The following FHOD3 variants were observed in gnomAD, a reference collection of about 807,000 sequenced individuals.
FHOD3 encodes formin homology 2 domain containing 3, also known as FH1/FH2 domain-containing protein 3.
A neutral mutation model predicts 173.0 loss-of-function variants in FHOD3; 90 were observed. The observed-to-expected ratio is 0.52, with a 90% CI of 0.44 to 0.62. FHOD3 has a LOEUF of 0.62. Ranked by LOEUF, FHOD3 falls within the 20% of genes least tolerant of loss-of-function variation. FHOD3 has a pLI of 0.00. For missense variants in FHOD3, 1,945 were observed against 2,034.7 expected, an observed-to-expected ratio of 0.96 and a Z score of 0.85; for synonymous variants, 828 against 823.0, an observed-to-expected ratio of 1.01 and a Z score of -0.10.
intron 9 of FHOD3, among the ~76,000 whole-genome samples, chr18:36,617,426 C>T (rs1174693599): frequency 3.3e-5 from 5 of 152,122 alleles, no homozygotes; most frequent in Non-Finnish European, 7.4e-5. Context: ...AGTTTTGAGA[C>T]CTGTTCCATG....
intron 11 of FHOD3, among the ~76,000 whole-genome samples, chr18:36,651,256 G>A (rs1244194489): frequency 6.6e-6 from 1 of 152,038 alleles, no homozygotes; most frequent in Non-Finnish European, 1.5e-5. Flanking sequence ...ATTTGAGGCG[G>A]GAAAGAAGAC....
chr18:36,601,842 C>T (rs550503210), intron 7 of FHOD3, among the ~76,000 whole-genome samples: 75 of 152,292 alleles, frequency 4.9e-4, no homozygotes, highest in South Asian at 1.5e-3. Context: ...TTATGTGCCT[C>T]TTTTTGGTCT....
chr18:36,742,904 T>C (rs2150065185), intron 22 of FHOD3, 48 bp downstream of exon 22: 3 of 1,582,932 alleles, frequency 1.9e-6, no homozygotes, highest in Middle Eastern at 3.4e-4. Flanking sequence ...TGTCACAAAA[T>C]CCCTGCCCAG....
chr18:36,736,891 C>T (rs2041661799), intron 20 of FHOD3, among the ~76,000 whole-genome samples: 1 of 152,242 alleles, frequency 6.6e-6, no homozygotes, highest in African/African-American at 2.4e-5. Flanking sequence ...CTTCCTATCC[C>T]TATCAACATA....
rs1467067151 is a variant in FHOD3 at position 36,652,983 on chromosome 18, A to G, written c.1646+54A>G. On this transcript the variant is annotated intron_variant, in intron 12 of 28. Transcript: ENST00000590592. The stretch of plus-strand genomic sequence containing the variant: ...GAGATTAACTCGGGGAGGAGAACAC[A>G]GTGTGTTAACTGCACCCCTTGGCTT... The G allele has an allele frequency of 6.1e-6, 9 of 1,484,748 alleles. No individual in the cohort carries two copies. The East Asian group carries it at 2.0e-4, about 33-fold the overall frequency. 92.0% of individuals were successfully genotyped at this position (1,484,748 alleles called of 1,614,324 possible). A position where few individuals can be genotyped will look rare whatever the true frequency, so the allele number is the denominator to read the frequency against.
intron 10 of FHOD3, among the ~76,000 whole-genome samples, chr18:36,630,917 T>C (rs1363055310): frequency 2.0e-5 from 3 of 152,232 alleles, no homozygotes; most frequent in Admixed American, 2.0e-4. Context: ...AAATGGGTCT[T>C]GTGGGAGTCA....
At chr18:36,318,001 T>C (rs1461088641) in intron 1 of FHOD3, among the ~76,000 whole-genome samples, 1 of 152,222 alleles carries the variant, frequency 6.6e-6, no homozygotes, top group African/African-American at 2.4e-5. Context: ...CCCCATTTCT[T>C]GTTTTTGTCA....
intron 5 of FHOD3, among the ~76,000 whole-genome samples, chr18:36,558,394 T>C (rs2147561636): frequency 6.6e-6 from 1 of 152,338 alleles, no homozygotes; most frequent in African/African-American, 2.4e-5. Context: ...AAAAGAGTTA[T>C]ATTTAGTCTA....
At chr18:36,444,805 A>G (rs1056887613) in intron 3 of FHOD3, among the ~76,000 whole-genome samples, 1 of 152,138 alleles carries the variant, frequency 6.6e-6, no homozygotes, top group African/African-American at 2.4e-5. Context: ...ATCATATTCC[A>G]TCATGCAGAT....
chr18:36,480,060 T>C (rs1353112929), intron 3 of FHOD3, among the ~76,000 whole-genome samples: 1 of 152,224 alleles, frequency 6.6e-6, no homozygotes, highest in Non-Finnish European at 1.5e-5. Flanking sequence ...AACAAATTAA[T>C]TCTGCAAACT....
In FHOD3 at chr18:36,475,962, C is replaced by T. The variant is rs550167007; in HGVS notation, c.338-25970C>T. Among the ~76,000 whole-genome samples, 48 of 152,116 alleles carry T rather than the reference C, an allele frequency of 3.2e-4. 1 individual carries two copies. The highest frequency in any genetic ancestry group is 9.6e-4 in the African/African-American group (40 of 41,474). On this transcript the variant is annotated intron_variant, in intron 3 of 28. Transcript: ENST00000590592. ...CTGTAAAAAATGTTGACAAAATGTA[C>T]AATTACTAGGTATTTTAGGAAAAAT...
intron 5 of FHOD3, among the ~76,000 whole-genome samples, chr18:36,515,250 C>T (rs1027783290): frequency 6.6e-6 from 1 of 152,288 alleles, no homozygotes; most frequent in South Asian, 2.1e-4. Flanking sequence ...CAGAGTCTCG[C>T]TCTGTCACCC....
intron 3 of FHOD3, among the ~76,000 whole-genome samples, chr18:36,379,382 C>T (rs1270644903): frequency 6.6e-6 from 1 of 152,212 alleles, no homozygotes; most frequent in Admixed American, 6.5e-5. Context: ...CCCCATTTTA[C>T]TTTAATTAAA....
At chr18:36,747,245 G>T in intron 24 of FHOD3, 110 bp downstream of exon 24, 2 of 792,000 alleles carry the variant, frequency 2.5e-6, no homozygotes, top group Admixed American at 3.1e-5. Context: ...GTACATTCTT[G>T]GTACATAGCA....
At chr18:36,402,234 C>A (rs1568224658) in intron 3 of FHOD3, among the ~76,000 whole-genome samples, 1 of 152,052 alleles carries the variant, frequency 6.6e-6, no homozygotes, top group Non-Finnish European at 1.5e-5. Context: ...GAAGGCTGAT[C>A]ACTGCTTGTT....
intron 2 of FHOD3, among the ~76,000 whole-genome samples, chr18:36,365,608 A>G (rs1056483563): frequency 5.9e-5 from 9 of 152,214 alleles, no homozygotes; most frequent in Admixed American, 5.9e-4. Context: ...TAATGACTGT[A>G]TAACTCTATG....
At chr18:36,679,045 G>A (rs1429552759) in intron 14 of FHOD3, among the ~76,000 whole-genome samples, 3 of 151,842 alleles carry the variant, frequency 2.0e-5, no homozygotes, top group African/African-American at 7.3e-5. Context: ...GACTTTCGTG[G>A]ATTTTTTTTC....
chr18:36,312,646 C>T (rs1401589671), intron 1 of FHOD3, among the ~76,000 whole-genome samples: 1 of 152,170 alleles, frequency 6.6e-6, no homozygotes, highest in Non-Finnish European at 1.5e-5. Context: ...TTGGAGTCTA[C>T]CTGCTTCTCC....
intron 19 of FHOD3, among the ~76,000 whole-genome samples, chr18:36,723,348 T>C (rs967147750): frequency 5.3e-5 from 8 of 152,124 alleles, no homozygotes; most frequent in African/African-American, 1.9e-4. Context: ...AGTTTTTTGT[T>C]TTTGTTTTTC....
Sources: allele counts gnomAD v4.1 joint callset (sites outside exome capture counted in the v4.1 genomes callset), GRCh38; gene constraint gnomAD v4.1.1; transcripts MANE v1.5; gene names NCBI Gene and HGNC (gene_info 2026-07-23, HGNC 2026-07-21).